CTNNA3: variants seen among roughly 807,000 people sequenced by gnomAD.
The protein encoded by CTNNA3 is catenin alpha 3.
Under a neutral mutation model 95.7 loss-of-function variants are expected in CTNNA3, and 76 were observed. That is an observed-to-expected ratio of 0.79 (90% confidence interval 0.66 to 0.96). CTNNA3 has a LOEUF of 0.96. Ranked by LOEUF, CTNNA3 falls within the 40% of genes least tolerant of loss-of-function variation. The pLI is 0.00. For missense variants in CTNNA3, 1,191 were observed against 1,089.8 expected, an observed-to-expected ratio of 1.09 and a Z score of -1.31; for synonymous variants, 431 against 374.4, an observed-to-expected ratio of 1.15 and a Z score of -1.74.
At chr10:66,449,592 T>A (rs377756019) in intron 11 of CTNNA3, among the ~76,000 whole-genome samples, 4 of 152,082 alleles carry the variant, frequency 2.6e-5, no homozygotes, top group African/African-American at 7.2e-5. Context: ...CTTTTTCAAT[T>A]CCAGGAAAGG....
intron 2 of CTNNA3, among the ~76,000 whole-genome samples, chr10:67,609,825 C>T (rs1262425377): frequency 6.6e-6 from 1 of 152,140 alleles, no homozygotes; most frequent in African/African-American, 2.4e-5. Flanking sequence ...GTTTATCTTG[C>T]TCTTGGGGCC....
intron 10 of CTNNA3, among the ~76,000 whole-genome samples, chr10:66,616,268 T>A (rs1452698038): frequency 6.6e-6 from 1 of 152,078 alleles, no homozygotes; most frequent in Non-Finnish European, 1.5e-5. Flanking sequence ...ATGTCTGCAG[T>A]GTTGAGAAAC....
At chr10:66,056,842 A>G (rs1261229849) in intron 15 of CTNNA3, among the ~76,000 whole-genome samples, 1 of 152,200 alleles carries the variant, frequency 6.6e-6, no homozygotes, top group African/African-American at 2.4e-5. Flanking sequence ...CAATGGCCAG[A>G]ATTTATATGA....
At chr10:66,942,295 G>A (rs1848038072) in intron 7 of CTNNA3, among the ~76,000 whole-genome samples, 4 of 152,072 alleles carry the variant, frequency 2.6e-5, no homozygotes, top group Admixed American at 1.3e-4. Context: ...TGTCCTTGAC[G>A]CTTACCAATC....
intron 5 of CTNNA3, among the ~76,000 whole-genome samples, chr10:67,489,805 T>TATATATATATATATATATATATATATAC (rs927605119): frequency 2.3e-4 from 34 of 148,944 alleles, no homozygotes; most frequent in African/African-American, 8.2e-4. Context: ...TATATATATA[T>TATATATATATATATATATATATATATAC]ACACACATTA....
intron 7 of CTNNA3, among the ~76,000 whole-genome samples, chr10:67,008,461 T>C (rs1474716179): frequency 1.3e-5 from 2 of 152,188 alleles, no homozygotes; most frequent in Non-Finnish European, 2.9e-5. Flanking sequence ...ACAGCTTTTT[T>C]GTTTGTTTTG....
At chr10:66,982,822 T>C (rs1850516371) in intron 7 of CTNNA3, among the ~76,000 whole-genome samples, 1 of 152,094 alleles carries the variant, frequency 6.6e-6, no homozygotes, top group Non-Finnish European at 1.5e-5. Context: ...TAAGATATTA[T>C]GAGAACATTA....
At chr10:67,481,494 T>G (rs1848227127) in intron 5 of CTNNA3, among the ~76,000 whole-genome samples, 1 of 152,072 alleles carries the variant, frequency 6.6e-6, no homozygotes, top group Non-Finnish European at 1.5e-5. Context: ...ATGTTCAAGC[T>G]GAGAGTCAAA....
intron 10 of CTNNA3, among the ~76,000 whole-genome samples, chr10:66,591,074 T>C (rs1222814661): frequency 6.6e-6 from 1 of 152,178 alleles, no homozygotes; most frequent in Admixed American, 6.5e-5. Context: ...TGACACTGGT[T>C]TCTGTAGTGT....
intron 5 of CTNNA3, among the ~76,000 whole-genome samples, chr10:67,462,612 T>C (rs1847421471): frequency 6.6e-6 from 1 of 152,146 alleles, no homozygotes; most frequent in Non-Finnish European, 1.5e-5. Context: ...CTGACATGCA[T>C]CCCTGGACCA....
chr10:66,591,209 C>G (rs1843538282), intron 10 of CTNNA3, among the ~76,000 whole-genome samples: 2 of 152,066 alleles, frequency 1.3e-5, no homozygotes, highest in African/African-American at 4.8e-5. Flanking sequence ...TGGAAAATTA[C>G]CAATCAGTCA....
At chr10:66,817,459 C>A (rs967764515) in intron 7 of CTNNA3, among the ~76,000 whole-genome samples, 1 of 151,752 alleles carries the variant, frequency 6.6e-6, no homozygotes, top group Non-Finnish European at 1.5e-5. Context: ...CTCAAATTAC[C>A]AAAATCAGGA....
chr10:66,919,311 A>T (rs938978125), intron 7 of CTNNA3, among the ~76,000 whole-genome samples: 1 of 152,094 alleles, frequency 6.6e-6, no homozygotes. Flanking sequence ...ACTTTTGCGT[A>T]TGCTTTACCT....
At chr10:66,701,916 T>C (rs901227110) in intron 9 of CTNNA3, among the ~76,000 whole-genome samples, 1 of 152,182 alleles carries the variant, frequency 6.6e-6, no homozygotes, top group Non-Finnish European at 1.5e-5. Flanking sequence ...AAGGCAACAT[T>C]ATATAATATT....
At chr10:67,704,551 T>C (rs1006050273) in intron 1 of CTNNA3, among the ~76,000 whole-genome samples, 3 of 152,160 alleles carry the variant, frequency 2.0e-5, no homozygotes, top group African/African-American at 7.2e-5. Context: ...TAATAAACGG[T>C]GCTGGGAAAA....
At chr10:66,843,225 AG>A (rs1843128865) in intron 7 of CTNNA3, among the ~76,000 whole-genome samples, 1 of 152,126 alleles carries the variant, frequency 6.6e-6, no homozygotes, top group South Asian at 2.1e-4. Flanking sequence ...AACCAAGCTC[AG>A]GGGGGTTTAC....
At chr10:66,631,261 T>G (rs1279401353) in intron 9 of CTNNA3, among the ~76,000 whole-genome samples, 1 of 152,166 alleles carries the variant, frequency 6.6e-6, no homozygotes, top group Non-Finnish European at 1.5e-5. Flanking sequence ...CCTCTTTCCA[T>G]TTCAATAATT....
chr10:66,434,026 T>C (rs1043186212), intron 11 of CTNNA3, among the ~76,000 whole-genome samples: 3 of 152,218 alleles, frequency 2.0e-5, no homozygotes, highest in African/African-American at 7.2e-5. Flanking sequence ...AACAGTATCA[T>C]GCTGTTTTTG....
intron 5 of CTNNA3, among the ~76,000 whole-genome samples, chr10:67,512,722 C>T (rs754574892): frequency 2.0e-5 from 3 of 151,246 alleles, no homozygotes; most frequent in Non-Finnish European, 4.4e-5. Flanking sequence ...AGCGGTGGCT[C>T]ACACCTGTAA....
Sources: gnomAD v4.1 joint callset for allele counts (sites outside exome capture counted in the v4.1 genomes callset) on GRCh38, gnomAD v4.1.1 for gene constraint, MANE v1.5 for transcripts, NCBI Gene and HGNC (gene_info 2026-07-23, HGNC 2026-07-21) for gene names.